The following MBNL3 variants were observed in gnomAD, a reference collection of about 807,000 sequenced individuals.
The protein encoded by MBNL3 is muscleblind-like protein 3.
MBNL3 carries 6 observed loss-of-function variants against 24.5 expected under a neutral mutation model. The observed-to-expected ratio is 0.25, with a 90% CI of 0.13 to 0.48. The LOEUF (loss-of-function observed/expected upper bound fraction) is 0.48, where lower values mean the gene tolerates loss of function less well. Among genes scored for constraint, MBNL3 ranks in the 20% least tolerant of loss-of-function variants. The pLI is 0.99. For synonymous variants in MBNL3, 100 were observed against 101.7 expected, an observed-to-expected ratio of 0.98 and a Z score of 0.10; for missense variants, 230 against 293.5, an observed-to-expected ratio of 0.78 and a Z score of 1.58.
chrX:132,411,807 C>T (rs1037231530), intron 2 of MBNL3, among the ~76,000 whole-genome samples: 1 of 111,759 alleles, frequency 8.9e-6, no homozygotes, highest in African/African-American at 3.3e-5. Context: ...GGCAGAACTA[C>T]ATCTTCCTCC....
intron 2 of MBNL3, among the ~76,000 whole-genome samples, chrX:132,408,092 C>CTTTTTTTTTTTTTTTTTTTTT (rs60044820): frequency 4.4e-5 from 1 of 22,572 alleles, no homozygotes; most frequent in Non-Finnish European, 7.9e-5. Flanking sequence ...GAATTTCAGT[C>CTTTTTTTTTTTTTTTTTTTTT]TTTTTTTTTT....
At chrX:132,420,354 A>C (rs745771698) in intron 2 of MBNL3, among the ~76,000 whole-genome samples, 111 of 111,333 alleles carry the variant, frequency 1.0e-3, no homozygotes, top group Non-Finnish European at 1.9e-3. Context: ...GACGGCGGCA[A>C]ACAGCAGTGG....
rs1294205604 is a variant in MBNL3 at position 132,396,934 on chromosome X, A to ATTCATATATACG, written c.343-4601_343-4600insCGTATATATGAA. On this transcript the variant is annotated intron_variant, in intron 3 of 8. Transcript: ENST00000370853. ...TATATACATATATATTCATATATAC[A>ATTCATATATACG]TTCATATATATATTCATATATATTC... Among the ~76,000 whole-genome samples the ATTCATATATACG allele has an allele frequency of 2.5e-4, 20 of 79,159 alleles. No homozygotes were observed. The Admixed American group carries it at 3.6e-3, about 14-fold the overall frequency. The allele number at this position is 79,159 out of a possible 115,157, so 68.7% of individuals were successfully genotyped here.
rs202187166 is a variant in MBNL3, at chrX:132,449,147, T to A, written c.-703-8833A>T. 2.7e-5 allele frequency among the ~76,000 whole-genome samples: 3 copies of A among 111,936 alleles called. No homozygotes were observed. The East Asian group carries it at 8.4e-4, about 31-fold the overall frequency. ...GACGGAGAGTTCTGTAGATGTTTAT[T>A]AGGTCCATTTGGTCCAGAGCTGAGT... On this transcript the variant is annotated intron_variant, in intron 1 of 8. Transcript: ENST00000370853.
intron 2 of MBNL3, among the ~76,000 whole-genome samples, chrX:132,406,915 T>C (rs1941922104): frequency 8.9e-6 from 1 of 111,894 alleles, no homozygotes; most frequent in South Asian, 3.8e-4. Flanking sequence ...AGGTCCACCA[T>C]AAACCTTTTA....
chrX:132,395,484 A>G (rs1316027440), intron 3 of MBNL3, among the ~76,000 whole-genome samples: 1 of 111,971 alleles, frequency 8.9e-6, no homozygotes, highest in African/African-American at 3.2e-5. Context: ...AATACTTGAA[A>G]AGAGACGGCT....
intron 6 of MBNL3, among the ~76,000 whole-genome samples, chrX:132,385,214 G>C (rs1403266181): frequency 9.0e-6 from 1 of 110,636 alleles, no homozygotes; most frequent in African/African-American, 3.3e-5. Context: ...ACTAATTAAG[G>C]GAAAGGGAAT....
chrX:132,474,518 T>TAAAGGCA (rs1180079397), intron 1 of MBNL3, among the ~76,000 whole-genome samples: 4 of 111,237 alleles, frequency 3.6e-5, no homozygotes, highest in Middle Eastern at 4.6e-3. Flanking sequence ...TCCTCCACCT[T>TAAAGGCA]AAAGGCAAAA....
At chrX:132,384,719 C>T (rs1192037986) in intron 6 of MBNL3, 21 bp from the exon 7 acceptor site, 8 of 1,122,499 alleles carry the variant, frequency 7.1e-6, no homozygotes, top group Non-Finnish European at 9.5e-6. Flanking sequence ...CGCAGAAAAG[C>T]GTGGAAAGTA....
intron 1 of MBNL3, among the ~76,000 whole-genome samples, chrX:132,480,452 C>G (rs769282886): frequency 8.9e-6 from 1 of 111,980 alleles, no homozygotes; most frequent in Admixed American, 9.4e-5. Flanking sequence ...ATCTGGCAGA[C>G]GTTAATGGCA....
At chrX:132,477,647 T>A (rs1947510132) in intron 1 of MBNL3, among the ~76,000 whole-genome samples, 2 of 111,539 alleles carry the variant, frequency 1.8e-5, no homozygotes, top group Admixed American at 1.9e-4. Flanking sequence ...TATTTAATTC[T>A]AAGGAATATG....
At chrX:132,395,217 G>A (rs1014559249) in intron 3 of MBNL3, among the ~76,000 whole-genome samples, 4 of 111,263 alleles carry the variant, frequency 3.6e-5, no homozygotes, top group East Asian at 2.8e-4. Flanking sequence ...AGGGCTTAGC[G>A]TTGACTAACA....
rs1240553616 is a variant in MBNL3, at chrX:132,396,827, CAT to C, written c.343-4495_343-4494del. Among the ~76,000 whole-genome samples, 85 of 18,797 alleles carry C rather than the reference CAT, an allele frequency of 4.5e-3. 3 individuals are homozygous for C. The highest frequency in any genetic ancestry group is 6.5e-3 in the Admixed American group (9 of 1,389). The allele number at this position is 18,797 out of a possible 115,157, so 16.3% of individuals were successfully genotyped here. A position where few individuals can be genotyped will look rare whatever the true frequency, so the allele number is the denominator to read the frequency against. On this transcript the variant is annotated intron_variant, in intron 3 of 8. Coordinates refer to ENST00000370853, the MANE Select transcript of MBNL3 (RefSeq NM_001386889.1). ...ATATTCATATATACATATATATATT[CAT>C]ATATATATTCATATATACATATATA...
chrX:132,396,546 C>CTATATATATTCATA (rs1458577307), intron 3 of MBNL3, among the ~76,000 whole-genome samples: 2 of 29,892 alleles, frequency 6.7e-5, no homozygotes, highest in Non-Finnish European at 1.2e-4. Context: ...ATATATATTC[C>CTATATATATTCATA]TATATATTCC....
At chrX:132,390,281 A>C (rs1024903301) in intron 5 of MBNL3, among the ~76,000 whole-genome samples, 6 of 105,198 alleles carry the variant, frequency 5.7e-5, no homozygotes, top group South Asian at 4.3e-4. Flanking sequence ...AAAAAAAAAA[A>C]AAAAAAAAAA....
intron 1 of MBNL3, among the ~76,000 whole-genome samples, chrX:132,486,352 C>CT (rs1221885009): frequency 1.8e-5 from 2 of 112,064 alleles, no homozygotes; most frequent in African/African-American, 6.5e-5. Context: ...AGTCAAGAGA[C>CT]TGTCACTGTT....
In MBNL3 at chrX:132,386,641, G is replaced by T; in HGVS notation, c.922+20C>A. The stretch of plus-strand genomic sequence containing the variant: ...ACAACATCACCAAACTCGCTGCAGT[G>T]CCTAGAGCTGTGTTCTCACCTGCAG... On this transcript the variant is annotated intron_variant, in intron 6 of 8. Transcript: ENST00000370853. The T allele has an allele frequency of 8.3e-7, 1 of 1,209,142 alleles. No individual in the cohort carries two copies. Among genetic ancestry groups the T allele is most frequent in the African/African-American group, 1.7e-5 (1 of 57,728 alleles).
intron 1 of MBNL3, among the ~76,000 whole-genome samples, chrX:132,446,823 T>C (rs1945748706): frequency 8.9e-6 from 1 of 112,068 alleles, no homozygotes; most frequent in African/African-American, 3.2e-5. Flanking sequence ...TCATGAAGTC[T>C]TTGCCCATGC....
chrX:132,487,943 T>C (rs951532024), intron 1 of MBNL3, among the ~76,000 whole-genome samples: 1 of 111,944 alleles, frequency 8.9e-6, no homozygotes, highest in Non-Finnish European at 1.9e-5. Flanking sequence ...CCAAACATTA[T>C]ATCAGTAATC....
Sources: gnomAD v4.1 joint callset for allele counts (sites outside exome capture counted in the v4.1 genomes callset) on GRCh38, gnomAD v4.1.1 for gene constraint, MANE v1.5 for transcripts, NCBI Gene and HGNC (gene_info 2026-07-23, HGNC 2026-07-21) for gene names.